Variants in MCTP1 observed in about 807,000 individuals in gnomAD.
The protein encoded by MCTP1 is multiple C2 and transmembrane domain-containing protein 1.
A neutral mutation model predicts 120.6 loss-of-function variants in MCTP1; 69 were observed. The observed-to-expected ratio is 0.57, with a 90% CI of 0.47 to 0.70. The LOEUF (loss-of-function observed/expected upper bound fraction) is 0.70, where lower values mean the gene tolerates loss of function less well. Ranked by LOEUF, MCTP1 falls within the 30% of genes least tolerant of loss-of-function variation. The pLI, the probability that MCTP1 is intolerant of heterozygous loss-of-function variation, is 0.00. For missense variants in MCTP1, 1,203 were observed against 1,248.8 expected (o/e 0.96, Z 0.55); for synonymous variants, 529 against 493.1 (o/e 1.07, Z -0.96).
Position 94,826,530 on chromosome 5 carries a change from G to A in MCTP1, c.2437-27398C>T. 9.8e-6 allele frequency: 7 copies of A among 711,490 alleles called. 1 individual carries two copies. The highest frequency in any genetic ancestry group is 9.5e-5 in the South Asian group (7 of 73,338). The allele number at this position is 711,490 out of a possible 1,614,324, so 44.1% of individuals were successfully genotyped here. On this transcript the variant is annotated intron_variant, in intron 17 of 22. Coordinates refer to ENST00000515393, the MANE Select transcript of MCTP1 (RefSeq NM_024717.7). ...ACATCTGCCTATATTCCTTGTGATAGTGCTTCATTTTTTCATAGAAGCTTC... is the reference window on the plus strand; with the variant it reads ...ACATCTGCCTATATTCCTTGTGATAATGCTTCATTTTTTCATAGAAGCTTC...
chr5:95,123,423 C>T (rs1260187736), intron 1 of MCTP1, among the ~76,000 whole-genome samples: 2 of 152,140 alleles, frequency 1.3e-5, no homozygotes, highest in Admixed American at 6.5e-5. Context: ...AAATAAATGT[C>T]GCTGAGGATC....
Position 94,990,145 on chromosome 5 carries a change from C to T in MCTP1, c.838+27222G>A, listed in dbSNP as rs1266114310. ...CTAGACTTGGGATTGGCATCTGAAG[C>T]GGGGGCAATCATGTGGAGCTGAGCC... On this transcript the variant is annotated intron_variant, in intron 2 of 22. Coordinates refer to ENST00000515393, the MANE Select transcript of MCTP1 (RefSeq NM_024717.7). 4.6e-5 allele frequency among the ~76,000 whole-genome samples: 7 copies of T among 152,034 alleles called. No individual in the cohort carries two copies. In the South Asian group the frequency reaches 1.2e-3, roughly 27 times the overall value.
chr5:95,005,142 C>G (rs1299420579), intron 2 of MCTP1, among the ~76,000 whole-genome samples: 1 of 152,142 alleles, frequency 6.6e-6, no homozygotes, highest in Non-Finnish European at 1.5e-5. Context: ...AATGACTGCC[C>G]TGCTGGGTTT....
chr5:94,961,646 T>C (rs560602505), intron 2 of MCTP1, among the ~76,000 whole-genome samples: 1 of 152,312 alleles, frequency 6.6e-6, no homozygotes, highest in East Asian at 1.9e-4. Context: ...ACAGAGTCTC[T>C]GCTGCTGTTA....
chr5:94,908,463 T>C (rs1427258897), intron 10 of MCTP1, among the ~76,000 whole-genome samples: 2 of 152,070 alleles, frequency 1.3e-5, no homozygotes, highest in South Asian at 2.1e-4. Flanking sequence ...GTATAAATTT[T>C]CTTCAAGCTG....
At chr5:95,066,999 A>G (rs552938071) in intron 1 of MCTP1, among the ~76,000 whole-genome samples, 17 of 152,110 alleles carry the variant, frequency 1.1e-4, no homozygotes, top group Non-Finnish European at 1.9e-4. Context: ...CTTAGGGGTA[A>G]TTCTCTCTCA....
intron 2 of MCTP1, among the ~76,000 whole-genome samples, chr5:95,014,364 G>A (rs969834005): frequency 6.6e-6 from 1 of 152,112 alleles, no homozygotes; most frequent in Non-Finnish European, 1.5e-5. Flanking sequence ...TGGATGACTT[G>A]AGGGTTTGAG....
intron 1 of MCTP1, among the ~76,000 whole-genome samples, chr5:95,280,636 G>T (rs1184511921): frequency 6.6e-6 from 1 of 152,014 alleles, no homozygotes; most frequent in South Asian, 2.1e-4. Context: ...CAGAATCAGT[G>T]GGAAGAAAGG....
chr5:94,766,088 C>T (rs1252256296), intron 19 of MCTP1, among the ~76,000 whole-genome samples: 1 of 151,888 alleles, frequency 6.6e-6, no homozygotes, highest in Non-Finnish European at 1.5e-5. Context: ...GTACTAAAAA[C>T]ACAAAAAAAT....
At position 94,826,304 on chromosome 5, in the gene MCTP1, A is replaced by G. The variant is rs754708001; in HGVS notation, c.2437-27172T>C. ...AATATATGGCTTTACAATCCTCAGCATGTTAACTGAAGCCTCTTGAGCTTC... is the reference window on the plus strand; with the variant it reads ...AATATATGGCTTTACAATCCTCAGCGTGTTAACTGAAGCCTCTTGAGCTTC... On this transcript the variant is annotated intron_variant, in intron 17 of 22. Coordinates refer to ENST00000515393, the MANE Select transcript of MCTP1 (RefSeq NM_024717.7). 3 of 515,790 alleles carry G rather than the reference A, an allele frequency of 5.8e-6. No homozygotes were observed. In the Admixed American group the frequency reaches 7.8e-5, roughly 13 times the overall value. 32.0% of individuals were successfully genotyped at this position (515,790 alleles called of 1,614,324 possible). A position where few individuals can be genotyped will look rare whatever the true frequency, so the allele number is the denominator to read the frequency against.
At chr5:94,778,915 C>T (rs1202575962) in intron 19 of MCTP1, among the ~76,000 whole-genome samples, 195 bp downstream of exon 19, 1 of 152,158 alleles carries the variant, frequency 6.6e-6, no homozygotes, top group Non-Finnish European at 1.5e-5. Flanking sequence ...TGACCCAGCT[C>T]TGGACAAAAG....
chr5:95,151,479 T>C (rs1282371105), intron 1 of MCTP1, among the ~76,000 whole-genome samples: 1 of 152,104 alleles, frequency 6.6e-6, no homozygotes, highest in South Asian at 2.1e-4. Flanking sequence ...AGTGGACCCA[T>C]GCAATTCAAA....
chr5:94,792,997 G>A (rs1167091980), intron 18 of MCTP1: 1 of 152,122 alleles, frequency 6.6e-6, no homozygotes, highest in Non-Finnish European at 1.5e-5. Context: ...ATTGAATTGG[G>A]CATCTGTGTT....
At chr5:95,211,181 T>G in intron 1 of MCTP1, among the ~76,000 whole-genome samples, 1 of 152,246 alleles carries the variant, frequency 6.6e-6, no homozygotes, top group Middle Eastern at 3.4e-3. Context: ...AGGAGTATCT[T>G]TGTGGCACTC....
At chr5:94,860,734 G>A (rs1320732251) in intron 17 of MCTP1, among the ~76,000 whole-genome samples, 1 of 151,382 alleles carries the variant, frequency 6.6e-6, no homozygotes, top group Non-Finnish European at 1.5e-5. Context: ...GGTAAAAACT[G>A]GTTCTTGAGC....
intron 2 of MCTP1, among the ~76,000 whole-genome samples, chr5:94,975,013 T>C (rs534727697): frequency 7.2e-5 from 11 of 152,208 alleles, no homozygotes; most frequent in Non-Finnish European, 1.6e-4. Context: ...TTTCAATTCA[T>C]TCTCCAAAAT....
At chr5:95,013,768 G>A (rs947992435) in intron 2 of MCTP1, among the ~76,000 whole-genome samples, 1 of 152,082 alleles carries the variant, frequency 6.6e-6, no homozygotes, top group African/African-American at 2.4e-5. Flanking sequence ...TGTACAAGGA[G>A]ATAAGTATTG....
chr5:94,722,227 A>G (rs1761083918), intron 19 of MCTP1, among the ~76,000 whole-genome samples: 1 of 152,198 alleles, frequency 6.6e-6, no homozygotes, highest in Admixed American at 6.5e-5. Flanking sequence ...TCGACTTTCA[A>G]GCCAAAATGA....
At chr5:94,982,039 G>A (rs2153598370) in intron 2 of MCTP1, among the ~76,000 whole-genome samples, 1 of 152,246 alleles carries the variant, frequency 6.6e-6, no homozygotes, top group Non-Finnish European at 1.5e-5. Flanking sequence ...TGTACTTAAA[G>A]GGCCAATCAT....
Sources: gnomAD v4.1 joint callset for allele counts (sites outside exome capture counted in the v4.1 genomes callset) on GRCh38, gnomAD v4.1.1 for gene constraint, MANE v1.5 for transcripts, NCBI Gene and HGNC (gene_info 2026-07-23, HGNC 2026-07-21) for gene names.